Variants in BMP5 observed in about 807,000 individuals in gnomAD.
BMP5 encodes bone morphogenetic protein 5.
BMP5 carries 23 observed loss-of-function variants against 46.6 expected under a neutral mutation model. The observed-to-expected ratio is 0.49, with a 90% CI of 0.35 to 0.70. BMP5 has a LOEUF of 0.70. BMP5 is among the 30% of genes least tolerant of loss of function. The pLI is 0.00. For synonymous variants in BMP5, 204 were observed against 191.9 expected, an observed-to-expected ratio of 1.06 and a Z score of -0.52; for missense variants, 545 against 565.6, an observed-to-expected ratio of 0.96 and a Z score of 0.37.
At chr6:55,810,898 A>G (rs969527248) in intron 2 of BMP5, among the ~76,000 whole-genome samples, 4 of 152,100 alleles carry the variant, frequency 2.6e-5, no homozygotes, top group Non-Finnish European at 4.4e-5. Flanking sequence ...CAATACACAC[A>G]CATACCTGCC....
chr6:55,856,944 T>C (rs578261807), intron 1 of BMP5, among the ~76,000 whole-genome samples: 1 of 152,308 alleles, frequency 6.6e-6, no homozygotes, highest in South Asian at 2.1e-4. Context: ...AATTTTTACT[T>C]ACATTTCTAA....
At chr6:55,764,913 G>A (rs1430108945) in intron 4 of BMP5, among the ~76,000 whole-genome samples, 11 of 152,012 alleles carry the variant, frequency 7.2e-5, no homozygotes, top group African/African-American at 1.9e-4. Flanking sequence ...AATGGTTAGC[G>A]ATAATTAATT....
At chr6:55,816,557 AT>A (rs1776274673) in intron 2 of BMP5, among the ~76,000 whole-genome samples, 1 of 152,132 alleles carries the variant, frequency 6.6e-6, no homozygotes, top group South Asian at 2.1e-4. Flanking sequence ...TTAGATTGAG[AT>A]TTTTTAAAAA....
chr6:55,805,092 A>T (rs1775954217), intron 2 of BMP5, among the ~76,000 whole-genome samples: 1 of 152,214 alleles, frequency 6.6e-6, no homozygotes, highest in Admixed American at 6.5e-5. Context: ...ATGCCCATTC[A>T]TCTTTTGATG....
chr6:55,754,745 A>T lies in BMP5; in HGVS notation c.*788T>A, dbSNP rs1207881339. ...AAATCTGAAAAAAAAATTCTGCAGC[A>T]GTAGTGTTCTAGATAATAGGCAGAC... On this transcript the variant is annotated 3_prime_UTR_variant, in exon 7 of 7. Transcript: ENST00000370830. 1 of 152,008 alleles carries T rather than the reference A, an allele frequency of 6.6e-6. No individual in the cohort carries two copies. 9.4% of individuals were successfully genotyped at this position (152,008 alleles called of 1,614,324 possible). A position where few individuals can be genotyped will look rare whatever the true frequency, so the allele number is the denominator to read the frequency against.
intron 4 of BMP5, among the ~76,000 whole-genome samples, chr6:55,767,487 G>A (rs938393407): frequency 2.0e-5 from 3 of 151,984 alleles, no homozygotes; most frequent in Non-Finnish European, 4.4e-5. Flanking sequence ...GAAACAGTCA[G>A]AGAGAGGTAA....
intron 4 of BMP5, chr6:55,772,854 G>A (rs1775079373): frequency 3.0e-6 from 3 of 984,928 alleles, no homozygotes; most frequent in African/African-American, 1.7e-5. Flanking sequence ...GATTCTCCTG[G>A]TGCCTACCCT....
At chr6:55,799,158 C>T (rs1562043493) in intron 2 of BMP5, among the ~76,000 whole-genome samples, 1 of 151,984 alleles carries the variant, frequency 6.6e-6, no homozygotes, top group Non-Finnish European at 1.5e-5. Context: ...TATGACAATC[C>T]CTGCCTTAAA....
At chr6:55,854,582 A>G (rs1777340891) in intron 1 of BMP5, among the ~76,000 whole-genome samples, 1 of 152,012 alleles carries the variant, frequency 6.6e-6, no homozygotes, top group Non-Finnish European at 1.5e-5. Context: ...CTCATTTCAC[A>G]ATTATTGTTG....
intron 3 of BMP5, among the ~76,000 whole-genome samples, chr6:55,783,755 AAAC>A (rs1775381499): frequency 6.6e-6 from 1 of 151,982 alleles, no homozygotes; most frequent in South Asian, 2.1e-4. Context: ...AAAATATAAC[AAAC>A]AACAAAAACT....
chr6:55,799,062 C>T (rs1775782596), intron 2 of BMP5, among the ~76,000 whole-genome samples: 1 of 152,120 alleles, frequency 6.6e-6, no homozygotes. Context: ...CAATATCAAT[C>T]TAGTGCTATA....
chr6:55,853,187 TAAAATAAAATAA>T, intron 1 of BMP5, among the ~76,000 whole-genome samples: 1 of 143,982 alleles, frequency 6.9e-6, no homozygotes, highest in East Asian at 2.0e-4. Context: ...TAAAATAAAA[TAAAATAAAATAA>T]AATAAAATAA....
intron 2 of BMP5, among the ~76,000 whole-genome samples, chr6:55,810,271 ATT>A (rs1776096758): frequency 6.6e-6 from 1 of 152,190 alleles, no homozygotes; most frequent in Non-Finnish European, 1.5e-5. Context: ...TCCATGCTGC[ATT>A]TAAAAGGTAC....
At chr6:55,856,863 ATGTG>A (rs1418023969) in intron 1 of BMP5, among the ~76,000 whole-genome samples, 2 of 151,974 alleles carry the variant, frequency 1.3e-5, no homozygotes, top group Non-Finnish European at 2.9e-5. Context: ...TTACATTTGT[ATGTG>A]TGTGTGTAGG....
At chr6:55,804,379 G>A (rs973920372) in intron 2 of BMP5, among the ~76,000 whole-genome samples, 13 of 152,130 alleles carry the variant, frequency 8.5e-5, no homozygotes, top group African/African-American at 2.2e-4. Flanking sequence ...AGATGAAAAC[G>A]GGAAGGAAGC....
At chr6:55,806,957 A>C (rs1776005225) in intron 2 of BMP5, among the ~76,000 whole-genome samples, 1 of 152,182 alleles carries the variant, frequency 6.6e-6, no homozygotes, top group Non-Finnish European at 1.5e-5. Flanking sequence ...TATCAACTTA[A>C]GGAGTTTGGG....
intron 1 of BMP5, among the ~76,000 whole-genome samples, chr6:55,870,769 G>A (rs753788449): frequency 6.6e-6 from 1 of 151,852 alleles, no homozygotes; most frequent in Non-Finnish European, 1.5e-5. Context: ...GGGTAAGTAG[G>A]CAAAAAAGGT....
intron 3 of BMP5, among the ~76,000 whole-genome samples, chr6:55,792,098 T>C: frequency 6.6e-6 from 1 of 152,250 alleles, no homozygotes. Flanking sequence ...TACTCTAACC[T>C]ATAATCCAGA....
At chr6:55,846,253 G>T (rs556167075) in intron 1 of BMP5, among the ~76,000 whole-genome samples, 2 of 152,084 alleles carry the variant, frequency 1.3e-5, no homozygotes, top group East Asian at 3.9e-4. Flanking sequence ...ACATTGTCTT[G>T]AAATGTACAA....
Sources: gnomAD v4.1 joint callset for allele counts (sites outside exome capture counted in the v4.1 genomes callset) on GRCh38, gnomAD v4.1.1 for gene constraint, MANE v1.5 for transcripts, NCBI Gene and HGNC (gene_info 2026-07-23, HGNC 2026-07-21) for gene names.